MGAT5: variants seen among roughly 807,000 people sequenced by gnomAD.
MGAT5 encodes the protein alpha-1,6-mannosylglycoprotein 6-beta-N-acetylglucosaminyltransferase A.
A neutral mutation model predicts 94.3 loss-of-function variants in MGAT5; 30 were observed. That is an observed-to-expected ratio of 0.32 (90% CI 0.24 to 0.43). The LOEUF is 0.43. Ranked by LOEUF, MGAT5 falls within the 20% of genes least tolerant of loss-of-function variation. The pLI, the probability that MGAT5 is intolerant of heterozygous loss-of-function variation, is 1.00. For synonymous variants in MGAT5, 310 were observed against 322.9 expected (o/e 0.96, Z 0.43); for missense variants, 691 against 905.5 (o/e 0.76, Z 3.04).
upstream of MGAT5, chr2:134,119,980 G>A (rs1030701225): frequency 2.6e-5 from 4 of 152,352 alleles, no homozygotes; most frequent in Non-Finnish European, 5.9e-5. Context: ...AGGTTGGCTA[G>A]GGGAAGGTTG....
At chr2:134,372,853 T>C (rs1680903116) in intron 10 of MGAT5, among the ~76,000 whole-genome samples, 1 of 152,198 alleles carries the variant, frequency 6.6e-6, no homozygotes, top group Non-Finnish European at 1.5e-5. Context: ...ACAAGACTGC[T>C]GTCCATGAAA....
intron 1 of MGAT5, among the ~76,000 whole-genome samples, chr2:134,177,161 G>GTGTGTGTGTGTGTGTGTGTGTGTGTGTA (rs1218468558): frequency 6.0e-4 from 91 of 152,018 alleles, no homozygotes; most frequent in African/African-American, 2.1e-3. Flanking sequence ...GTGTGTGTGT[G>GTGTGTGTGTGTGTGTGTGTGTGTGTGTA]TATGTATCTC....
chr2:134,415,008 A>C (rs566771311), intron 12 of MGAT5, among the ~76,000 whole-genome samples: 1 of 152,168 alleles, frequency 6.6e-6, no homozygotes, highest in East Asian at 1.9e-4. Context: ...TTGTTTATCT[A>C]TTCATCCACT....
At chr2:134,369,267 A>C (rs1009176753) in intron 10 of MGAT5, among the ~76,000 whole-genome samples, 1 of 152,188 alleles carries the variant, frequency 6.6e-6, no homozygotes, top group Non-Finnish European at 1.5e-5. Flanking sequence ...CCCCAGGGAG[A>C]CCAGGAAGAG....
intron 2 of MGAT5, among the ~76,000 whole-genome samples, chr2:134,295,192 C>G (rs1288813407): frequency 1.3e-5 from 2 of 149,854 alleles, no homozygotes; most frequent in African/African-American, 4.9e-5. Flanking sequence ...CATTTGATGG[C>G]TCTTCAGTGG....
chr2:134,424,394 G>A (rs1486887196), intron 13 of MGAT5, among the ~76,000 whole-genome samples: 1 of 152,124 alleles, frequency 6.6e-6, no homozygotes, highest in Non-Finnish European at 1.5e-5. Flanking sequence ...CTGGTTATGG[G>A]GCTTTAGTGT....
chr2:134,126,971 G>T (rs1685868013), intron 1 of MGAT5, among the ~76,000 whole-genome samples: 2 of 151,884 alleles, frequency 1.3e-5, no homozygotes, highest in African/African-American at 4.8e-5. Context: ...CTGAATGACC[G>T]ATTCTTTCTT....
At chr2:134,263,093 C>T (rs1202845978) in intron 1 of MGAT5, among the ~76,000 whole-genome samples, 3 of 152,140 alleles carry the variant, frequency 2.0e-5, no homozygotes, top group Admixed American at 6.5e-5. Flanking sequence ...CAGTAGTGTG[C>T]GAGGCCACCC....
At chr2:134,276,175 C>T (rs772982909) in intron 2 of MGAT5, among the ~76,000 whole-genome samples, 4 of 150,860 alleles carry the variant, frequency 2.7e-5, no homozygotes, top group African/African-American at 9.8e-5. Flanking sequence ...CCCCGCCGCC[C>T]GCCAATCTCC....
intron 1 of MGAT5, among the ~76,000 whole-genome samples, chr2:134,255,393 C>A (rs1682877470): frequency 6.6e-6 from 1 of 151,408 alleles, no homozygotes; most frequent in Non-Finnish European, 1.5e-5. Flanking sequence ...GTCTACTACT[C>A]CAGGCAATAA....
At chr2:134,373,468 T>C (rs566304936) in intron 10 of MGAT5, among the ~76,000 whole-genome samples, 4 of 152,358 alleles carry the variant, frequency 2.6e-5, no homozygotes, top group Non-Finnish European at 5.9e-5. Flanking sequence ...CTGAATGTTA[T>C]TGGGCACAGA....
intron 1 of MGAT5, among the ~76,000 whole-genome samples, chr2:134,137,947 A>T (rs1686491440): frequency 6.7e-6 from 1 of 148,314 alleles, no homozygotes. Flanking sequence ...TCACTGATTG[A>T]TATTACAGAT....
chr2:134,304,805 G>T (rs1393518280), intron 2 of MGAT5, among the ~76,000 whole-genome samples: 1 of 152,152 alleles, frequency 6.6e-6, no homozygotes, highest in Non-Finnish European at 1.5e-5. Flanking sequence ...CAACCTACTG[G>T]GCACAAGCAG....
In MGAT5 at chr2:134,207,350, A is replaced by G. The variant is rs1680062942; in HGVS notation, c.-142-46912A>G. Reference sequence around the variant, plus strand: ...CAGATTCTGGGGCTATGACAGAGACATCTTTAGGAGCTGTTATTTTGCCTT... The same window carrying G: ...CAGATTCTGGGGCTATGACAGAGACGTCTTTAGGAGCTGTTATTTTGCCTT... On this transcript the variant is annotated intron_variant, in intron 1 of 16. Transcript: ENST00000409645. Among the ~76,000 whole-genome samples, 4 of 152,190 alleles carry G rather than the reference A, an allele frequency of 2.6e-5. No homozygotes were observed. In the South Asian group the frequency reaches 8.3e-4, roughly 32 times the overall value.
intron 1 of MGAT5, among the ~76,000 whole-genome samples, chr2:134,172,576 C>CG (rs937472246): frequency 1.3e-5 from 2 of 152,064 alleles, no homozygotes; most frequent in African/African-American, 2.4e-5. Context: ...TTAGTAGAGA[C>CG]GGGTTTTCAC....
At chr2:134,254,729 T>G in intron 1 of MGAT5, 85 bp downstream of exon 1, 2 of 1,534,370 alleles carry the variant, frequency 1.3e-6, no homozygotes, top group Non-Finnish European at 1.8e-6. Flanking sequence ...GGTCTTGTCA[T>G]GGACTGAATG....
Position 134,172,367 on chromosome 2 carries a change from C to T in MGAT5, c.-143+52076C>T, listed in dbSNP as rs186193381. ...CATATTTTATGGAGGAAGGAATTTC[C>T]TAAGTACTCCCTTTTTTTTTTTTAA... On this transcript the variant is annotated intron_variant, in intron 1 of 16. Transcript: ENST00000409645. Among the ~76,000 whole-genome samples the T allele has an allele frequency of 7.3e-5, 11 of 151,070 alleles. 1 individual carries two copies. Among genetic ancestry groups the T allele is most frequent in the African/African-American group, 2.7e-4 (11 of 41,302 alleles).
chr2:134,215,040 A>G (rs1217079042), intron 1 of MGAT5, among the ~76,000 whole-genome samples: 2 of 152,166 alleles, frequency 1.3e-5, no homozygotes, highest in African/African-American at 4.8e-5. Flanking sequence ...AAACTATTTT[A>G]TGTTTGCTTT....
intron 15 of MGAT5, among the ~76,000 whole-genome samples, chr2:134,448,334 G>T (rs1000324901): frequency 6.6e-6 from 1 of 152,204 alleles, no homozygotes; most frequent in Non-Finnish European, 1.5e-5. Flanking sequence ...GAAGGGCCAT[G>T]ATTTATTTGG....
Sources: allele counts gnomAD v4.1 joint callset (sites outside exome capture counted in the v4.1 genomes callset), GRCh38; gene constraint gnomAD v4.1.1; transcripts MANE v1.5; gene names NCBI Gene and HGNC (gene_info 2026-07-23, HGNC 2026-07-21).